Variants in SYK observed in about 807,000 individuals in gnomAD.
SYK encodes spleen associated tyrosine kinase.
Under a neutral mutation model 77.8 loss-of-function variants are expected in SYK, and 16 were observed. That is an observed-to-expected ratio of 0.21 (90% CI 0.14 to 0.31). The LOEUF is 0.31. Ranked by LOEUF, SYK falls within the 10% of genes least tolerant of loss-of-function variation. The probability of loss-of-function intolerance (pLI) is 1.00; values close to 1 mark genes in which losing one functional copy is unlikely to be tolerated. For missense variants in SYK, 529 were observed against 814.4 expected, an observed-to-expected ratio of 0.65 and a Z score of 4.26; for synonymous variants, 312 against 308.7, an observed-to-expected ratio of 1.01 and a Z score of -0.11.
At chr9:90,850,958 G>A (rs1346593015) in intron 3 of SYK, among the ~76,000 whole-genome samples, 1 of 152,148 alleles carries the variant, frequency 6.6e-6, no homozygotes. Context: ...TCTGGGAGAT[G>A]CTGTCCAACT....
intron 4 of SYK, 122 bp downstream of exon 4, chr9:90,862,466 C>A: frequency 8.1e-7 from 1 of 1,229,098 alleles, no homozygotes; most frequent in Non-Finnish European, 1.1e-6. Context: ...GGTCCCCAGG[C>A]CAGCAGTAGC....
At chr9:90,868,852 G>GT (rs1400727767) in intron 7 of SYK, among the ~76,000 whole-genome samples, 2 of 152,248 alleles carry the variant, frequency 1.3e-5, no homozygotes, top group African/African-American at 2.4e-5. Context: ...ATGTGAAGGT[G>GT]TTTTTTCCAA....
chr9:90,836,518 C>G (rs1826093769), intron 1 of SYK, among the ~76,000 whole-genome samples: 1 of 152,142 alleles, frequency 6.6e-6, no homozygotes, highest in African/African-American at 2.4e-5. Context: ...CTGCAGTACA[C>G]ACTGTACTGC....
intron 13 of SYK, among the ~76,000 whole-genome samples, chr9:90,890,840 C>T (rs758438722): frequency 6.6e-6 from 1 of 152,166 alleles, no homozygotes; most frequent in African/African-American, 2.4e-5. Flanking sequence ...AGCTCGTTGC[C>T]TCACGCCAAG....
At chr9:90,822,997 C>A (rs1204791960) in intron 1 of SYK, among the ~76,000 whole-genome samples, 2 of 152,100 alleles carry the variant, frequency 1.3e-5, no homozygotes, top group Non-Finnish European at 2.9e-5. Context: ...TGTAAAATAC[C>A]CCTAGGCTTT....
chr9:90,896,784 T>C lies in SYK; in HGVS notation c.*1184T>C. The stretch of plus-strand genomic sequence containing the variant: ...AAGTTAAAGAGACATCTCAGCACTT[T>C]AGGAGGCCGAGGCGGGTGGATCACT... On this transcript the variant is annotated 3_prime_UTR_variant, in exon 14 of 14. Coordinates refer to ENST00000375754, the MANE Select transcript of SYK (RefSeq NM_003177.7). The C allele has an allele frequency of 4.5e-6, 1 of 222,346 alleles. No homozygotes were observed. Among genetic ancestry groups the C allele is most frequent in the Non-Finnish European group, 9.0e-6 (1 of 111,318 alleles). The allele number at this position is 222,346 out of a possible 1,614,324, so 13.8% of individuals were successfully genotyped here.
intron 1 of SYK, among the ~76,000 whole-genome samples, chr9:90,822,525 A>T (rs1192244344): frequency 6.6e-6 from 1 of 152,252 alleles, no homozygotes; most frequent in Non-Finnish European, 1.5e-5. Flanking sequence ...TTTCATAGTC[A>T]ATATTTCTAA....
chr9:90,892,262 A>G (rs993616609), intron 13 of SYK, among the ~76,000 whole-genome samples: 15 of 152,186 alleles, frequency 9.9e-5, no homozygotes, highest in Non-Finnish European at 7.3e-5. Flanking sequence ...AGGAGGGTGT[A>G]AAACCAGTGG....
chr9:90,824,717 CTT>C (rs779875597), intron 1 of SYK, among the ~76,000 whole-genome samples: 60 of 151,028 alleles, frequency 4.0e-4, no homozygotes, highest in Non-Finnish European at 7.4e-4. Context: ...TAGAGGAAAA[CTT>C]TTGTAACTTG....
At chr9:90,862,954 C>T (rs79341227) in intron 4 of SYK, among the ~76,000 whole-genome samples, 1,967 of 152,232 alleles carry the variant, frequency 0.013, 40 homozygotes, top group African/African-American at 0.045. Flanking sequence ...TCCCTGGGCT[C>T]CAGGCTGCTG....
rs146743944 is a variant in SYK, at chr9:90,843,911, G to A, written c.13G>A (p.Gly5Ser). 513 of 1,539,942 alleles carry A rather than the reference G, an allele frequency of 3.3e-4. 5 individuals are homozygous for A. Among genetic ancestry groups the A allele is most frequent in the Admixed American group, 2.9e-4 (15 of 52,468 alleles). Residue 5 changes from glycine (G) to serine (S), a missense_variant, in exon 2 of 14, where the codon GGC (glycine) becomes AGC (serine). By Grantham distance (56) the Gly-to-Ser change is moderately conservative. This residue lies in a region of SYK where 321 missense variants were observed against 433.1 expected (regional missense o/e 0.74). Transcript: ENST00000375754. The part of the protein sequence containing the change: MASS[G>S]MADSANHLPF... ...CGGCCCCTGAAGCATGGCCAGCAGC[G>A]GCATGGCTGACAGCGCCAACCACCT...
At chr9:90,864,190 G>A (rs1827378880) in intron 4 of SYK, among the ~76,000 whole-genome samples, 1 of 152,124 alleles carries the variant, frequency 6.6e-6, no homozygotes, top group African/African-American at 2.4e-5. Context: ...ATTCTTTACT[G>A]TAGACCAGGG....
chr9:90,879,046 A>G (rs541534455), intron 11 of SYK, 93 bp downstream of exon 11: 2 of 986,984 alleles, frequency 2.0e-6, no homozygotes, highest in South Asian at 1.7e-5. Flanking sequence ...GTATGGTTTC[A>G]AAAAGCAGTT....
intron 3 of SYK, among the ~76,000 whole-genome samples, chr9:90,850,373 G>A (rs937563769): frequency 7.9e-5 from 12 of 152,246 alleles, no homozygotes; most frequent in Admixed American, 3.3e-4. Context: ...AAAATTAGCT[G>A]AGTATAGTGG....
chr9:90,867,512 ATCTTT>A (rs1167048650), intron 7 of SYK, among the ~76,000 whole-genome samples: 1 of 152,200 alleles, frequency 6.6e-6, no homozygotes, highest in Non-Finnish European at 1.5e-5. Context: ...ATGTCCGAAA[ATCTTT>A]TCAAAGATGG....
At position 90,874,223 on chromosome 9, in the gene SYK, A is replaced by G; in HGVS notation, c.935A>G (p.Asn312Ser). The G allele has an allele frequency of 6.2e-7, 1 of 1,614,190 alleles. No individual in the cohort carries two copies. Among genetic ancestry groups the G allele is most frequent in the South Asian group, 1.1e-5 (1 of 91,084 alleles). Residue 312 changes from asparagine (N) to serine (S), a missense_variant, in exon 8 of 14, where the codon AAC becomes AGC. By Grantham distance (46) the Asn-to-Ser change is conservative. Coordinates refer to ENST00000375754, the MANE Select transcript of SYK (RefSeq NM_003177.7). ...GHRKSSPAQGNRQESTVSFNP... is the reference protein window; with the variant it reads ...GHRKSSPAQGSRQESTVSFNP... Reference sequence around the variant, plus strand: ...CTTTAGTCCTCCCCTGCCCAAGGGAACCGGCAAGAGAGTACTGTGTCATTC... The same window carrying G: ...CTTTAGTCCTCCCCTGCCCAAGGGAGCCGGCAAGAGAGTACTGTGTCATTC...
intron 3 of SYK, among the ~76,000 whole-genome samples, chr9:90,860,017 C>T (rs1406987566): frequency 1.3e-5 from 2 of 152,120 alleles, no homozygotes; most frequent in Admixed American, 6.5e-5. Context: ...GAGATGGCGT[C>T]TCACTCTGTT....
chr9:90,826,641 T>A (rs536404702), intron 1 of SYK, among the ~76,000 whole-genome samples: 1 of 152,342 alleles, frequency 6.6e-6, no homozygotes, highest in East Asian at 1.9e-4. Context: ...TTCCTTTTTA[T>A]CTTGCGTTTC....
chr9:90,873,052 G>C (rs1429049240), intron 7 of SYK, among the ~76,000 whole-genome samples: 1 of 152,200 alleles, frequency 6.6e-6, no homozygotes, highest in Non-Finnish European at 1.5e-5. Context: ...CCTCTGAAGT[G>C]CTCAGCAGAC....
Sources: allele counts gnomAD v4.1 joint callset (sites outside exome capture counted in the v4.1 genomes callset), GRCh38; gene constraint gnomAD v4.1.1; regional missense constraint gnomAD v4.1.1; transcripts MANE v1.5; gene names NCBI Gene and HGNC (gene_info 2026-07-23, HGNC 2026-07-21).